Variants in SIPA1L2 observed in about 807,000 individuals in gnomAD.
SIPA1L2 encodes signal-induced proliferation-associated 1-like protein 2.
Under a neutral mutation model 163.9 loss-of-function variants are expected in SIPA1L2, and 56 were observed. The ratio of observed to expected loss-of-function variants is 0.34; its 90% CI spans 0.28 to 0.43. The LOEUF (loss-of-function observed/expected upper bound fraction) is 0.43, where lower values mean the gene tolerates loss of function less well. Among genes scored for constraint, SIPA1L2 ranks in the 20% least tolerant of loss-of-function variants. SIPA1L2 has a pLI of 1.00. For missense variants in SIPA1L2, 1,974 were observed against 2,193.5 expected (o/e 0.90, Z 2.00); for synonymous variants, 877 against 865.7 (o/e 1.01, Z -0.23).
chr1:232,617,023 A>G (rs941863181), intron 1 of SIPA1L2, among the ~76,000 whole-genome samples: 18 of 152,248 alleles, frequency 1.2e-4, no homozygotes, highest in Non-Finnish European at 2.5e-4. Context: ...AACTGAACTC[A>G]GGAAATTTTT....
intron 1 of SIPA1L2, among the ~76,000 whole-genome samples, chr1:232,598,411 AAAAG>A (rs1661398282): frequency 6.6e-6 from 1 of 152,194 alleles, no homozygotes; most frequent in African/African-American, 2.4e-5. Flanking sequence ...CCCTCTCTCT[AAAAG>A]AAAACCAAAA....
At chr1:232,444,932 A>G (rs1663123044) in intron 11 of SIPA1L2, among the ~76,000 whole-genome samples, 1 of 152,204 alleles carries the variant, frequency 6.6e-6, no homozygotes, top group African/African-American at 2.4e-5. Flanking sequence ...ACAATAAGAA[A>G]TTTATTATTT....
chr1:232,439,604 TACTC>T, intron 14 of SIPA1L2, 108 bp from the exon 15 acceptor site: 1 of 1,293,022 alleles, frequency 7.7e-7, no homozygotes, highest in South Asian at 1.4e-5. Context: ...AAGCCCTTTC[TACTC>T]ACTCTTCAAT....
At chr1:232,530,212 T>G (rs902139127) in intron 2 of SIPA1L2, among the ~76,000 whole-genome samples, 9 of 42,522 alleles carry the variant, frequency 2.1e-4, no homozygotes, top group African/African-American at 1.5e-3. Context: ...CCTCCCAGGT[T>G]CAAGCGATTC....
intron 18 of SIPA1L2, chr1:232,415,947 A>G (rs1661231963): frequency 8.1e-6 from 2 of 246,124 alleles, no homozygotes. Flanking sequence ...TGCCCCTCCC[A>G]GAGTCAGTCA....
At chr1:232,485,823 G>C (rs949427774) in intron 5 of SIPA1L2, among the ~76,000 whole-genome samples, 6 of 152,164 alleles carry the variant, frequency 3.9e-5, no homozygotes, top group African/African-American at 7.2e-5. Flanking sequence ...GCTGTAATTA[G>C]AGTCCACCGT....
intron 2 of SIPA1L2, among the ~76,000 whole-genome samples, chr1:232,536,907 T>C (rs1211930407): frequency 5.3e-5 from 8 of 152,216 alleles, no homozygotes; most frequent in African/African-American, 1.9e-4. Context: ...GTGCTTTAAT[T>C]TGGAACTATT....
chr1:232,536,264 A>G (rs1414273193), intron 2 of SIPA1L2, among the ~76,000 whole-genome samples: 1 of 152,196 alleles, frequency 6.6e-6, no homozygotes, highest in Non-Finnish European at 1.5e-5. Context: ...TCTTTTGGCA[A>G]TGCAGCCTCA....
At chr1:232,435,804 T>G (rs1338338523) in intron 15 of SIPA1L2, among the ~76,000 whole-genome samples, 1 of 152,328 alleles carries the variant, frequency 6.6e-6, no homozygotes, top group Admixed American at 6.5e-5. Flanking sequence ...TATATGCTTG[T>G]TCTGCTTAAT....
intron 19 of SIPA1L2, among the ~76,000 whole-genome samples, chr1:232,410,783 G>T (rs1022953520): frequency 1.3e-5 from 2 of 151,892 alleles, no homozygotes; most frequent in Admixed American, 6.6e-5. Flanking sequence ...GCTACTTGAC[G>T]TTCCTTAGTA....
chr1:232,605,673 G>A (rs71529887), intron 1 of SIPA1L2, among the ~76,000 whole-genome samples: 31,065 of 151,184 alleles, frequency 0.21, 3,926 homozygotes, highest in African/African-American at 0.36. Flanking sequence ...CAGCCTGGGC[G>A]ACAGAGCGAG....
intron 10 of SIPA1L2, among the ~76,000 whole-genome samples, chr1:232,449,517 C>CAAAAA (rs33934850): frequency 1.2e-5 from 1 of 80,066 alleles, no homozygotes; most frequent in African/African-American, 4.8e-5. Flanking sequence ...GACTCCGTCT[C>CAAAAA]AAAAAAAAAA....
chr1:232,558,531 A>C (rs1479880740), intron 2 of SIPA1L2, among the ~76,000 whole-genome samples: 1 of 152,210 alleles, frequency 6.6e-6, no homozygotes, highest in African/African-American at 2.4e-5. Context: ...GAGCATATTT[A>C]GTTTTGTACA....
At chr1:232,447,308 G>T (rs1663275009) in intron 10 of SIPA1L2, among the ~76,000 whole-genome samples, 1 of 152,282 alleles carries the variant, frequency 6.6e-6, no homozygotes, top group South Asian at 2.1e-4. Flanking sequence ...CCCTGTAGAG[G>T]AACCTGGCCT....
chr1:232,426,986 T>C (rs10910460), intron 17 of SIPA1L2, among the ~76,000 whole-genome samples: 32,983 of 152,160 alleles, frequency 0.22, 3,956 homozygotes, highest in Middle Eastern at 0.32. Context: ...AATATTCCTA[T>C]TGTGTGTGTT....
At chr1:232,440,705 T>C (rs1163476027) in intron 14 of SIPA1L2, among the ~76,000 whole-genome samples, 2 of 152,252 alleles carry the variant, frequency 1.3e-5, no homozygotes, top group Non-Finnish European at 2.9e-5. Flanking sequence ...GCTTTATTTG[T>C]AATAACCAAC....
chr1:232,496,435 C>T (rs915013214), intron 3 of SIPA1L2, among the ~76,000 whole-genome samples: 1 of 151,942 alleles, frequency 6.6e-6, no homozygotes, highest in Non-Finnish European at 1.5e-5. Flanking sequence ...TGTTCTTAAG[C>T]GATGCATGGC....
At chr1:232,534,197 G>A (rs1364442694) in intron 2 of SIPA1L2, among the ~76,000 whole-genome samples, 5 of 152,002 alleles carry the variant, frequency 3.3e-5, no homozygotes, top group Admixed American at 3.3e-4. Context: ...CAAACATAAA[G>A]ACCAATGGAA....
chr1:232,524,335 C>T (rs1667592657), intron 2 of SIPA1L2, among the ~76,000 whole-genome samples: 1 of 152,150 alleles, frequency 6.6e-6, no homozygotes, highest in African/African-American at 2.4e-5. Flanking sequence ...TTACAAAAGT[C>T]CATGAGTGTG....
Sources: gnomAD v4.1 joint callset for allele counts (sites outside exome capture counted in the v4.1 genomes callset) on GRCh38, gnomAD v4.1.1 for gene constraint, MANE v1.5 for transcripts, NCBI Gene and HGNC (gene_info 2026-07-23, HGNC 2026-07-21) for gene names.